LSM1: variants seen among roughly 807,000 people sequenced by gnomAD.
LSM1 encodes U6 snRNA-associated Sm-like protein LSm1.
In LSM1, 13 loss-of-function variants were observed where a neutral mutation model predicts 18.0. The ratio of observed to expected loss-of-function variants is 0.72; its 90% CI spans 0.47 to 1.15. The LOEUF is 1.15. Among genes scored for constraint, LSM1 ranks in the 50% most tolerant of loss-of-function variants. The pLI, the probability that LSM1 is intolerant of heterozygous loss-of-function variation, is 0.00. For synonymous variants in LSM1, 46 were observed against 56.0 expected (o/e 0.82, Z 0.80); for missense variants, 152 against 157.7 (o/e 0.96, Z 0.19).
upstream of LSM1, chr8:38,176,708 A>C (rs1803156278): frequency 2.2e-6 from 2 of 921,910 alleles, no homozygotes; most frequent in Non-Finnish European, 3.0e-6. Context: ...TCCGTCCCTC[A>C]GCTTTCGGGG....
chr8:38,168,350 G>T (rs1377821097), intron 3 of LSM1, among the ~76,000 whole-genome samples: 2 of 151,448 alleles, frequency 1.3e-5, no homozygotes, highest in Admixed American at 1.3e-4. Flanking sequence ...CAGCACACTG[G>T]GAGGCCGAGG....
At chr8:38,164,037 A>G (rs1390654800) in intron 3 of LSM1, among the ~76,000 whole-genome samples, 197 bp from the exon 4 acceptor site, 2 of 152,168 alleles carry the variant, frequency 1.3e-5, no homozygotes, top group African/African-American at 2.4e-5. Flanking sequence ...CATACTTACA[A>G]TGAGGTTAAT....
intron 3 of LSM1, among the ~76,000 whole-genome samples, chr8:38,164,423 TAA>T (rs34599833): frequency 6.8e-6 from 1 of 148,086 alleles, no homozygotes; most frequent in Non-Finnish European, 1.5e-5. Flanking sequence ...TTAATTTCCT[TAA>T]AAAAAAAAAT....
At chr8:38,175,631 G>A (rs1469668196) in intron 1 of LSM1, among the ~76,000 whole-genome samples, 1 of 151,906 alleles carries the variant, frequency 6.6e-6, no homozygotes, top group Admixed American at 6.6e-5. Context: ...CAGGAATAAG[G>A]GAGGTCTTCT....
intron 3 of LSM1, among the ~76,000 whole-genome samples, chr8:38,167,010 C>T (rs1802943030): frequency 6.6e-6 from 1 of 152,166 alleles, no homozygotes; most frequent in African/African-American, 2.4e-5. Context: ...ATAGTGTTTA[C>T]AGAAACTGAT....
rs1376306829 is a variant in LSM1, at chr8:38,167,115, G to GT, written c.231+2686dup. Among the ~76,000 whole-genome samples, 9 of 152,242 alleles carry GT rather than the reference G, an allele frequency of 5.9e-5. No individual in the cohort carries two copies. The South Asian group carries it at 1.7e-3, about 28-fold the overall frequency. ...GCATTCCTGGAACCAAGTTTCTGTA[G>GT]TGGTACCCCTGTAAAACTTCTGCAG... On this transcript the variant is annotated intron_variant, in intron 3 of 3. Transcript: ENST00000311351.
intron 1 of LSM1, among the ~76,000 whole-genome samples, chr8:38,173,920 A>G (rs1183076476): frequency 6.6e-6 from 1 of 152,222 alleles, no homozygotes; most frequent in East Asian, 1.9e-4. Flanking sequence ...TATTTTGGAG[A>G]ACAGTAAGAG....
chr8:38,174,081 G>T (rs1803075451), intron 1 of LSM1, among the ~76,000 whole-genome samples: 1 of 152,178 alleles, frequency 6.6e-6, no homozygotes. Flanking sequence ...AATGCAGCTT[G>T]AGTAATTTCA....
rs1372554481 is a variant in LSM1 at position 38,170,834 on chromosome 8, G to A, written c.116-917C>T. On this transcript the variant is annotated intron_variant, in intron 2 of 3. Transcript: ENST00000311351. ...GACTTAAGAATCAGGACTCCAATTT[G>A]TTAACAATAATTATTTTTCCTCTTT... is the stretch of plus-strand genomic sequence containing the variant. 3 of 225,498 alleles carry A rather than the reference G, an allele frequency of 1.3e-5. No individual in the cohort carries two copies. The East Asian group carries it at 2.9e-4, about 22-fold the overall frequency. 14.0% of individuals were successfully genotyped at this position (225,498 alleles called of 1,614,324 possible).
At chr8:38,170,639 T>C (rs1347019245) in intron 2 of LSM1, among the ~76,000 whole-genome samples, 6 of 152,194 alleles carry the variant, frequency 3.9e-5, no homozygotes, top group African/African-American at 1.4e-4. Context: ...GATGATCTGC[T>C]GAAGATTCAA....
chr8:38,175,912 G>T, intron 1 of LSM1: 1 of 206,344 alleles, frequency 4.8e-6, no homozygotes, highest in Middle Eastern at 1.8e-3. Flanking sequence ...CCGGTAACAC[G>T]CTGATACTTC....
intron 2 of LSM1, 124 bp from the exon 3 acceptor site, chr8:38,170,041 T>TTTTA: frequency 1.8e-6 from 1 of 549,486 alleles, no homozygotes; most frequent in Non-Finnish European, 3.2e-6. Flanking sequence ...TTCTAATTAT[T>TTTTA]TTTATTTATT....
At chr8:38,173,236 G>A (rs146865306) in intron 1 of LSM1, among the ~76,000 whole-genome samples, 95 of 152,218 alleles carry the variant, frequency 6.2e-4, no homozygotes, top group Admixed American at 6.5e-5. Flanking sequence ...TCTTCCTTGC[G>A]CTATAAATAA....
chr8:38,176,445 T>C lies in LSM1; in HGVS notation c.-125A>G. Reference sequence around the variant, plus strand: ...CGGAATCCCGACCGAGACCAGCACTTCTGCCCCGGCTTTCAGCCGCCGGGG... The same window carrying C: ...CGGAATCCCGACCGAGACCAGCACTCCTGCCCCGGCTTTCAGCCGCCGGGG... On this transcript the variant is annotated 5_prime_UTR_variant, in exon 1 of 4. Coordinates refer to ENST00000311351, the MANE Select transcript of LSM1 (RefSeq NM_014462.3). 4.0e-6 allele frequency: 3 copies of C among 745,376 alleles called. No homozygotes were observed. The highest frequency in any genetic ancestry group is 5.4e-5 in the East Asian group (2 of 36,870). The allele number at this position is 745,376 out of a possible 1,614,324, so 46.2% of individuals were successfully genotyped here.
intron 3 of LSM1, chr8:38,165,921 C>T (rs1335462780): frequency 6.6e-6 from 1 of 152,110 alleles, no homozygotes; most frequent in Non-Finnish European, 1.5e-5. Context: ...CAAATACTGA[C>T]TTTAATTCGT....
chr8:38,171,998 G>T lies in LSM1; in HGVS notation c.82C>A (p.Leu28Ile). Reference protein sequence around the residue: ...HLVLLRDGRTLIGFLRSIDQF... With the variant: ...HLVLLRDGRTIIGFLRSIDQF... ...TCAATGCTTCTTAAAAAGCCTATAA[G>T]TGTCCTTCCATCTCGAAGCAGAACC... Residue 28 changes from leucine (L) to isoleucine (I), a missense_variant, in exon 2 of 4, where the codon CTT (leucine) becomes ATT (isoleucine). Leu to Ile is a conservative substitution (Grantham distance 5). Transcript: ENST00000311351. 6.2e-7 allele frequency: 1 copy of T among 1,612,430 alleles called. No individual in the cohort carries two copies. Among genetic ancestry groups the T allele is most frequent in the South Asian group, 1.1e-5 (1 of 90,832 alleles).
At chr8:38,172,323 T>G (rs1231720970) in intron 1 of LSM1, among the ~76,000 whole-genome samples, 2 of 138,098 alleles carry the variant, frequency 1.4e-5, no homozygotes, top group Non-Finnish European at 3.1e-5. Flanking sequence ...TTTCCTTTTT[T>G]CTTTTTTTTT....
intron 3 of LSM1, 94 bp downstream of exon 3, chr8:38,169,707 TG>T: frequency 1.4e-6 from 1 of 691,226 alleles, no homozygotes; most frequent in Non-Finnish European, 2.5e-6. Context: ...CAGATAAATG[TG>T]GAGAATATTT....
chr8:38,169,636 A>G (rs535430268), intron 3 of LSM1, among the ~76,000 whole-genome samples, 166 bp downstream of exon 3: 1 of 152,360 alleles, frequency 6.6e-6, no homozygotes, highest in East Asian at 1.9e-4. Context: ...TTGTTAAGGC[A>G]CTGAAACAAA....
Sources: gnomAD v4.1 joint callset for allele counts (sites outside exome capture counted in the v4.1 genomes callset) on GRCh38, gnomAD v4.1.1 for gene constraint, MANE v1.5 for transcripts, NCBI Gene and HGNC (gene_info 2026-07-23, HGNC 2026-07-21) for gene names.